The following CCDC3 variants were observed in gnomAD, a reference collection of about 807,000 sequenced individuals.
CCDC3 encodes coiled-coil domain-containing protein 3.
A neutral mutation model predicts 21.4 loss-of-function variants in CCDC3; 24 were observed. That is an observed-to-expected ratio of 1.12 (90% CI 0.81 to 1.58). The LOEUF (loss-of-function observed/expected upper bound fraction) is 1.58. Among genes scored for constraint, CCDC3 ranks in the 40% most tolerant of loss-of-function variants. CCDC3 has a pLI of 0.00. For synonymous variants in CCDC3, 186 were observed against 166.0 expected, an observed-to-expected ratio of 1.12 and a Z score of -0.93; for missense variants, 425 against 360.9, an observed-to-expected ratio of 1.18 and a Z score of -1.44.
intron 2 of CCDC3, among the ~76,000 whole-genome samples, chr10:12,963,104 T>C (rs1835205021): frequency 6.6e-6 from 1 of 152,200 alleles, no homozygotes; most frequent in South Asian, 2.1e-4. Flanking sequence ...TTTCAACTAG[T>C]GAAAGAAAAT....
Position 12,998,520 on chromosome 10 carries a change from A to AG in CCDC3, c.375-9dup. On this transcript the variant is annotated splice_polypyrimidine_tract_variant and intron_variant, in intron 1 of 2. Transcript: ENST00000378825. ...TTATAATTTTCATCCATCCTAATGG[A>AG]GGAAAAAAAGGCAGACATGTAGGCT... is the stretch of plus-strand genomic sequence containing the variant. 1.2e-6 allele frequency: 2 copies of AG among 1,612,956 alleles called. No individual in the cohort carries two copies. Among genetic ancestry groups the AG allele is most frequent in the Non-Finnish European group, 1.7e-6 (2 of 1,179,440 alleles).
At chr10:12,912,958 G>A (rs995059255) in intron 2 of CCDC3, among the ~76,000 whole-genome samples, 2 of 152,122 alleles carry the variant, frequency 1.3e-5, no homozygotes, top group Admixed American at 6.5e-5. Context: ...CTGTTCAATT[G>A]GTAGATTTCT....
intron 2 of CCDC3, among the ~76,000 whole-genome samples, chr10:12,960,782 T>C (rs1278983009): frequency 6.6e-6 from 1 of 152,192 alleles, no homozygotes; most frequent in Non-Finnish European, 1.5e-5. Flanking sequence ...GAGCTCCGCC[T>C]GCCAGGTCAC....
chr10:12,929,210 C>T (rs900265526), intron 2 of CCDC3, among the ~76,000 whole-genome samples: 4 of 144,958 alleles, frequency 2.8e-5, no homozygotes, highest in African/African-American at 7.7e-5. Context: ...CGCAGTGAGC[C>T]GAGATCGTGC....
At chr10:12,912,791 G>C (rs1362002284) in intron 2 of CCDC3, among the ~76,000 whole-genome samples, 2 of 152,080 alleles carry the variant, frequency 1.3e-5, no homozygotes, top group African/African-American at 4.8e-5. Flanking sequence ...TTTGTATATG[G>C]CGTGAGATGA....
intron 2 of CCDC3, among the ~76,000 whole-genome samples, chr10:12,931,545 T>G (rs1564288511): frequency 1.3e-5 from 2 of 152,208 alleles, no homozygotes; most frequent in African/African-American, 2.4e-5. Flanking sequence ...TCCTCTGTTG[T>G]AGAAGCATTT....
intron 5 of CCDC3, among the ~76,000 whole-genome samples, chr10:13,014,665 T>G (rs1212387911): frequency 6.6e-6 from 1 of 151,998 alleles, no homozygotes; most frequent in Non-Finnish European, 1.5e-5. Context: ...AAATACACAC[T>G]AAAGTATTTG....
chr10:12,932,909 T>C (rs1251014), intron 2 of CCDC3, among the ~76,000 whole-genome samples: 100,249 of 152,110 alleles, frequency 0.66, 33,335 homozygotes, highest in East Asian at 0.89. Flanking sequence ...TCTCCATCTA[T>C]TGATATGATC....
At chr10:13,007,017 G>A (rs918398656) in intron 5 of CCDC3, among the ~76,000 whole-genome samples, 2 of 152,116 alleles carry the variant, frequency 1.3e-5, no homozygotes, top group African/African-American at 4.8e-5. Context: ...GACCTTTACG[G>A]TAGAGGTACT....
chr10:13,087,195 G>A (rs1168766439), intron 3 of CCDC3, among the ~76,000 whole-genome samples: 3 of 151,988 alleles, frequency 2.0e-5, no homozygotes, highest in Non-Finnish European at 4.4e-5. Flanking sequence ...ACCTGAGGTC[G>A]GGAATTCGAG....
intron 5 of CCDC3, among the ~76,000 whole-genome samples, chr10:13,006,968 T>C (rs1287614570): frequency 1.3e-5 from 2 of 152,198 alleles, no homozygotes; most frequent in African/African-American, 2.4e-5. Context: ...CAAAGATCTC[T>C]GCCAATCGAA....
intron 2 of CCDC3, among the ~76,000 whole-genome samples, chr10:12,919,047 C>A (rs1834404822): frequency 1.3e-5 from 2 of 152,156 alleles, no homozygotes; most frequent in East Asian, 3.9e-4. Context: ...CAGAGCAAGA[C>A]CCCATCTCGA....
At chr10:12,994,127 G>A (rs186799282) in intron 2 of CCDC3, among the ~76,000 whole-genome samples, 4 of 152,272 alleles carry the variant, frequency 2.6e-5, no homozygotes, top group Admixed American at 2.6e-4. Flanking sequence ...GTGGGGCATG[G>A]TGGCTCACGC....
intron 2 of CCDC3, among the ~76,000 whole-genome samples, chr10:12,918,250 TATATG>T (rs1449785486): frequency 1.3e-5 from 2 of 152,244 alleles, no homozygotes; most frequent in Non-Finnish European, 2.9e-5. Context: ...AGTTTTATAA[TATATG>T]ATGTGATAGG....
rs529499626 is a variant in CCDC3 at position 13,085,216 on chromosome 10, G to A, written c.-502-11116C>T. Among the ~76,000 whole-genome samples, 109 of 152,264 alleles carry A rather than the reference G, an allele frequency of 7.2e-4. 1 individual carries two copies. The highest frequency in any genetic ancestry group is 4.7e-4 in the Non-Finnish European group (32 of 68,014). On this transcript the variant is annotated intron_variant, in intron 3 of 6. Coordinates refer to the CCDC3 transcript ENST00000378839. ...GCCTGGGTCCCAGCCCCAGCCAAGG[G>A]AATATTGAGTGAGCGTGCTGTTGTG...
intron 2 of CCDC3, among the ~76,000 whole-genome samples, chr10:12,995,615 A>C (rs1473811108): frequency 6.6e-6 from 1 of 152,198 alleles, no homozygotes; most frequent in Non-Finnish European, 1.5e-5. Context: ...CGGCACAAGC[A>C]GAGGTCTGGA....
rs1835773050 is a variant in CCDC3, at chr10:12,997,109, T to C, written c.549+1229A>G. Among the ~76,000 whole-genome samples, 2 of 151,508 alleles carry C rather than the reference T, an allele frequency of 1.3e-5. 1 individual carries two copies. The highest frequency in any genetic ancestry group is 6.8e-3 in the Middle Eastern group (2 of 294). ...AAGGAAAACAAAATAAAAAAGACAA[T>C]AAGGGGATTCGGAAGAACAAGGCAG... is the stretch of plus-strand genomic sequence containing the variant. On this transcript the variant is annotated intron_variant, in intron 2 of 2. Coordinates refer to ENST00000378825, the MANE Select transcript of CCDC3 (RefSeq NM_031455.4).
intron 2 of CCDC3, among the ~76,000 whole-genome samples, chr10:12,960,582 C>T (rs1162723318): frequency 1.3e-5 from 2 of 152,278 alleles, no homozygotes; most frequent in Admixed American, 6.5e-5. Context: ...CCAGTACTTT[C>T]GTAGTAGGCT....
intron 2 of CCDC3, among the ~76,000 whole-genome samples, chr10:12,900,563 T>C (rs1249028580): frequency 3.2e-4 from 42 of 130,198 alleles, no homozygotes; most frequent in Non-Finnish European, 4.3e-4. Flanking sequence ...TCGTGGCGGG[T>C]GCCTGTAGTC....
Sources: allele counts gnomAD v4.1 joint callset (sites outside exome capture counted in the v4.1 genomes callset), GRCh38; gene constraint gnomAD v4.1.1; transcripts MANE v1.5; gene names NCBI Gene and HGNC (gene_info 2026-07-23, HGNC 2026-07-21).